Variants in ATP2C1 observed in about 807,000 individuals in gnomAD.
ATP2C1 encodes the protein calcium-transporting ATPase type 2C member 1.
Under a neutral mutation model 120.5 loss-of-function variants are expected in ATP2C1, and 31 were observed. The observed-to-expected ratio is 0.26, with a 90% CI of 0.19 to 0.35. The LOEUF (loss-of-function observed/expected upper bound fraction) is 0.35, where lower values mean the gene tolerates loss of function less well. ATP2C1 is among the 10% of genes least tolerant of loss of function. ATP2C1 has a pLI of 1.00. For missense variants in ATP2C1, 731 were observed against 1,107.5 expected (o/e 0.66, Z 4.83); for synonymous variants, 351 against 358.7 (o/e 0.98, Z 0.24).
At chr3:130,935,638 G>A (rs574747207) in intron 5 of ATP2C1, among the ~76,000 whole-genome samples, 1 of 152,282 alleles carries the variant, frequency 6.6e-6, no homozygotes, top group South Asian at 2.1e-4. Flanking sequence ...AACATTATTT[G>A]TCTTTCAATT....
At chr3:130,909,216 T>C (rs1043702134) in intron 2 of ATP2C1, among the ~76,000 whole-genome samples, 3 of 152,160 alleles carry the variant, frequency 2.0e-5, no homozygotes, top group African/African-American at 7.2e-5. Context: ...GAGATCCCTC[T>C]GGATTTTGCC....
At chr3:130,863,428 A>G (rs1441538362) in intron 1 of ATP2C1, among the ~76,000 whole-genome samples, 1 of 152,192 alleles carries the variant, frequency 6.6e-6, no homozygotes, top group Non-Finnish European at 1.5e-5. Context: ...TTCCAAGCAG[A>G]CCAGTTAACA....
At chr3:130,979,565 A>C in intron 19 of ATP2C1, 146 bp downstream of exon 19, 1 of 921,448 alleles carries the variant, frequency 1.1e-6, no homozygotes, top group Non-Finnish European at 1.6e-6. Flanking sequence ...CTCATGGTCT[A>C]TATAAAGTTG....
At chr3:131,004,331 ACAGAT>A (rs2108987111), downstream of ATP2C1, among the ~76,000 whole-genome samples, 1 of 152,370 alleles carries the variant, frequency 6.6e-6, no homozygotes, top group African/African-American at 2.4e-5. Flanking sequence ...GATTGGACAG[ACAGAT>A]CATTCTGATG....
intron 22 of ATP2C1, among the ~76,000 whole-genome samples, 162 bp from the exon 23 acceptor site, chr3:130,995,881 G>A (rs1022727509): frequency 6.6e-6 from 1 of 152,188 alleles, no homozygotes; most frequent in Non-Finnish European, 1.5e-5. Flanking sequence ...GTGACCCCAG[G>A]TGATCTGCCA....
At chr3:130,977,704 T>C (rs2061583941) in intron 18 of ATP2C1, among the ~76,000 whole-genome samples, 1 of 152,188 alleles carries the variant, frequency 6.6e-6, no homozygotes, top group South Asian at 2.1e-4. Flanking sequence ...GGGGAAAGTT[T>C]TTGTTGCACA....
rs764716163 is a variant in ATP2C1 at position 130,934,726 on chromosome 3, A to G, written c.324+15A>G. On this transcript the variant is annotated intron_variant, in intron 5 of 27. Coordinates refer to ENST00000510168, the MANE Select transcript of ATP2C1 (RefSeq NM_001378687.1). ...GTATCACTGTGGTAAGAAAAAAATT[A>G]CATATTTTTAATCTGTTGAGTAAGT... is the stretch of plus-strand genomic sequence containing the variant. The G allele has an allele frequency of 1.3e-6, 2 of 1,529,970 alleles. No homozygotes were observed. The highest frequency in any genetic ancestry group is 1.7e-5 in the Admixed American group (1 of 59,782). 94.8% of individuals were successfully genotyped at this position (1,529,970 alleles called of 1,614,324 possible).
At chr3:130,947,659 T>G (rs1315543453) in intron 8 of ATP2C1, among the ~76,000 whole-genome samples, 5 of 152,350 alleles carry the variant, frequency 3.3e-5, no homozygotes, top group Non-Finnish European at 7.3e-5. Context: ...TTGGTGAATT[T>G]AATCCATTTA....
chr3:130,999,851 T>C (rs1215104630), intron 27 of ATP2C1, among the ~76,000 whole-genome samples, 192 bp downstream of exon 27: 2 of 152,200 alleles, frequency 1.3e-5, no homozygotes, highest in Non-Finnish European at 2.9e-5. Context: ...TGGTTTTTGC[T>C]CTTTTATAGG....
chr3:130,994,181 A>G, intron 22 of ATP2C1, 83 bp downstream of exon 22: 1 of 1,515,816 alleles, frequency 6.6e-7, no homozygotes, highest in Non-Finnish European at 9.1e-7. Flanking sequence ...TTCAACTGGA[A>G]AAGAATTAGT....
chr3:130,875,827 G>A (rs2068582400), intron 1 of ATP2C1, among the ~76,000 whole-genome samples: 1 of 149,804 alleles, frequency 6.7e-6, no homozygotes, highest in Non-Finnish European at 1.5e-5. Context: ...CAAGTGTGAG[G>A]TGATATCTCA....
intron 17 of ATP2C1, among the ~76,000 whole-genome samples, chr3:130,971,920 A>C (rs918175939): frequency 6.6e-6 from 1 of 152,168 alleles, no homozygotes; most frequent in Non-Finnish European, 1.5e-5. Flanking sequence ...GGAATACATG[A>C]AGGCTGGCAT....
chr3:130,887,893 A>T (rs1045763368), intron 1 of ATP2C1, among the ~76,000 whole-genome samples: 7 of 152,298 alleles, frequency 4.6e-5, no homozygotes, highest in African/African-American at 1.2e-4. Context: ...TTTCTCTAGC[A>T]AGAGGAGTCT....
At chr3:130,954,745 C>T (rs1374654469) in intron 9 of ATP2C1, among the ~76,000 whole-genome samples, 1 of 152,124 alleles carries the variant, frequency 6.6e-6, no homozygotes, top group Non-Finnish European at 1.5e-5. Flanking sequence ...CCTCGGCCAC[C>T]CAAAGTACTG....
At position 130,932,022 on chromosome 3, in the gene ATP2C1, G is replaced by A. The variant is rs767075121; in HGVS notation, c.118G>A (p.Ala40Thr). The change falls in exon 4 of 28, where the codon GCT (alanine) becomes ACT (threonine). Residue 40 changes from alanine to threonine, a missense_variant and splice_region_variant. This residue lies in a region of ATP2C1 where 571 missense variants were observed against 845.9 expected (regional missense o/e 0.67). Transcript: ENST00000510168. ...AACTTTCATGTATAAACTCTAATAG[G>A]CTGATCTTCAGAATGGTCTAAACAA... is the stretch of plus-strand genomic sequence containing the variant. ...PVSEVASILQ[A>T]DLQNGLNKCE... 13 of 1,590,374 alleles carry A rather than the reference G, an allele frequency of 8.2e-6. No individual in the cohort carries two copies. Among genetic ancestry groups the A allele is most frequent in the Non-Finnish European group, 1.1e-5 (13 of 1,158,692 alleles).
intron 6 of ATP2C1, among the ~76,000 whole-genome samples, chr3:130,938,612 G>A (rs2059768737): frequency 6.6e-6 from 1 of 152,212 alleles, no homozygotes; most frequent in African/African-American, 2.4e-5. Context: ...TCCGCTTTTA[G>A]GGGAATCTTC....
At chr3:130,945,055 T>C (rs986440392) in intron 8 of ATP2C1, among the ~76,000 whole-genome samples, 2 of 152,236 alleles carry the variant, frequency 1.3e-5, no homozygotes, top group Non-Finnish European at 2.9e-5. Flanking sequence ...ATTTTCCACC[T>C]GTGATTGCTT....
chr3:130,887,736 C>T (rs1490940833), intron 1 of ATP2C1, among the ~76,000 whole-genome samples: 1 of 152,212 alleles, frequency 6.6e-6, no homozygotes, highest in Non-Finnish European at 1.5e-5. Flanking sequence ...CTGGGCTTCC[C>T]TCTGGCCCAG....
intron 20 of ATP2C1, among the ~76,000 whole-genome samples, chr3:130,986,206 C>T (rs550159338): frequency 1.9e-4 from 27 of 141,702 alleles, no homozygotes; most frequent in South Asian, 4.5e-4. Flanking sequence ...TTTTGGTGCA[C>T]GTCCTATCCT....
Sources: allele counts gnomAD v4.1 joint callset (sites outside exome capture counted in the v4.1 genomes callset), GRCh38; gene constraint gnomAD v4.1.1; regional missense constraint gnomAD v4.1.1; transcripts MANE v1.5; gene names NCBI Gene and HGNC (gene_info 2026-07-23, HGNC 2026-07-21).